DCC: variants seen among roughly 807,000 people sequenced by gnomAD.
The protein encoded by DCC is netrin receptor DCC.
DCC carries 58 observed loss-of-function variants against 172.5 expected under a neutral mutation model. That is an observed-to-expected ratio of 0.34 (90% CI 0.27 to 0.42). The LOEUF (loss-of-function observed/expected upper bound fraction) is 0.42, where lower values mean the gene tolerates loss of function less well. Ranked by LOEUF, DCC falls within the 10% of genes least tolerant of loss-of-function variation. The probability of loss-of-function intolerance (pLI) is 1.00; values close to 1 mark genes in which losing one functional copy is unlikely to be tolerated. For synonymous variants in DCC, 709 were observed against 644.5 expected (o/e 1.10, Z -1.52); for missense variants, 1,740 against 1,791.0 (o/e 0.97, Z 0.51).
chr18:53,052,275 T>A (rs1378049879), intron 5 of DCC, among the ~76,000 whole-genome samples: 1 of 152,152 alleles, frequency 6.6e-6, no homozygotes, highest in Non-Finnish European at 1.5e-5. Context: ...ATTTTCATTT[T>A]AAATGAATCC....
intron 22 of DCC, among the ~76,000 whole-genome samples, chr18:53,442,371 G>T (rs1463598382): frequency 6.6e-6 from 1 of 151,964 alleles, no homozygotes; most frequent in African/African-American, 2.4e-5. Flanking sequence ...CTGCTACGAT[G>T]GTCTGTGATC....
chr18:53,059,336 A>T (rs1250508790), intron 5 of DCC, among the ~76,000 whole-genome samples: 1 of 152,142 alleles, frequency 6.6e-6, no homozygotes, highest in Non-Finnish European at 1.5e-5. Context: ...CAGGGTGAGA[A>T]AATAGAATTT....
At chr18:52,860,079 G>T (rs1470533681) in intron 2 of DCC, among the ~76,000 whole-genome samples, 1 of 152,194 alleles carries the variant, frequency 6.6e-6, no homozygotes. Context: ...ATAGGATGCA[G>T]CAAATCCATC....
intron 24 of DCC, among the ~76,000 whole-genome samples, chr18:53,463,181 A>G (rs1568148185): frequency 1.3e-5 from 2 of 152,232 alleles, no homozygotes; most frequent in Non-Finnish European, 2.9e-5. Flanking sequence ...CACTGCCCTA[A>G]GGAGGTTTTG....
At chr18:53,117,274 T>A (rs533776320) in intron 7 of DCC, among the ~76,000 whole-genome samples, 1 of 151,782 alleles carries the variant, frequency 6.6e-6, no homozygotes, top group Admixed American at 6.6e-5. Flanking sequence ...TTGCTCCGTA[T>A]GAAATTTCCA....
At chr18:52,401,254 T>G (rs565731590) in intron 1 of DCC, among the ~76,000 whole-genome samples, 4 of 152,132 alleles carry the variant, frequency 2.6e-5, no homozygotes, top group Admixed American at 2.6e-4. Flanking sequence ...GGCATAACTC[T>G]GACCACATTC....
At chr18:53,180,066 G>A (rs1598881411) in intron 9 of DCC, among the ~76,000 whole-genome samples, 1 of 152,168 alleles carries the variant, frequency 6.6e-6, no homozygotes, top group South Asian at 2.1e-4. Context: ...GGAATAAGGT[G>A]AAGTAGAGAT....
At chr18:53,233,976 C>A (rs1250035986) in intron 12 of DCC, among the ~76,000 whole-genome samples, 1 of 151,394 alleles carries the variant, frequency 6.6e-6, no homozygotes, top group Admixed American at 6.6e-5. Flanking sequence ...TAGGACCAGG[C>A]GCAGTGGCTC....
At chr18:53,195,685 C>A (rs1246835432) in intron 9 of DCC, among the ~76,000 whole-genome samples, 1 of 152,128 alleles carries the variant, frequency 6.6e-6, no homozygotes, top group Non-Finnish European at 1.5e-5. Context: ...CCCATTCCTC[C>A]TGATGTGTCC....
intron 1 of DCC, among the ~76,000 whole-genome samples, chr18:52,565,920 T>C (rs1297805018): frequency 6.6e-6 from 1 of 152,200 alleles, no homozygotes; most frequent in Middle Eastern, 3.2e-3. Context: ...CCCATGCCTA[T>C]GTCCTCAATG....
chr18:53,356,794 C>G (rs1434144521), intron 15 of DCC, among the ~76,000 whole-genome samples: 1 of 152,214 alleles, frequency 6.6e-6, no homozygotes, highest in African/African-American at 2.4e-5. Flanking sequence ...TCTTCCCCAT[C>G]AAACTCTTGC....
At chr18:53,207,070 C>T (rs142288481) in intron 10 of DCC, among the ~76,000 whole-genome samples, 2 of 152,176 alleles carry the variant, frequency 1.3e-5, no homozygotes, top group Non-Finnish European at 2.9e-5. Context: ...AGCTCTTCAA[C>T]GCATTTTGCC....
At chr18:52,995,833 G>A (rs2041468833) in intron 5 of DCC, among the ~76,000 whole-genome samples, 1 of 151,554 alleles carries the variant, frequency 6.6e-6, no homozygotes, top group African/African-American at 2.4e-5. Context: ...TAGTCACCTG[G>A]ACTGAACCCC....
chr18:52,714,465 G>A (rs115860269), intron 1 of DCC, among the ~76,000 whole-genome samples: 1,946 of 152,212 alleles, frequency 0.013, 51 homozygotes, highest in African/African-American at 0.044. Context: ...CTTTTTAAAT[G>A]CTGTAATGTT....
rs12962801 is a variant in DCC, at chr18:52,926,792, C to T, written c.985+1422C>T. On this transcript the variant is annotated intron_variant, in intron 5 of 28. Transcript: ENST00000442544. Reference sequence around the variant, plus strand: ...AACTAAATTAGTCTCTATATATATACACACACACATATACATATGTGTGTG... The same window carrying T: ...AACTAAATTAGTCTCTATATATATATACACACACATATACATATGTGTGTG... 4.9e-4 allele frequency among the ~76,000 whole-genome samples: 56 copies of T among 114,064 alleles called. 1 individual carries two copies. The highest frequency in any genetic ancestry group is 3.9e-4 in the Non-Finnish European group (19 of 48,444). The allele number at this position is 114,064 out of a possible 152,430, so 74.8% of individuals were successfully genotyped here.
chr18:53,511,841 AGCACG>A (rs761176764), intron 27 of DCC, among the ~76,000 whole-genome samples: 49 of 141,378 alleles, frequency 3.5e-4, no homozygotes, highest in African/African-American at 1.1e-3. Context: ...TTGCTAGCAC[AGCACG>A]GCAGTCTGAG....
chr18:52,642,014 G>A (rs767453824), intron 1 of DCC, among the ~76,000 whole-genome samples: 41 of 34,496 alleles, frequency 1.2e-3, no homozygotes, highest in South Asian at 1.4e-3. Context: ...GTGTGTGTGT[G>A]TATATATATA....
chr18:52,858,267 G>T (rs1339779671), intron 2 of DCC, among the ~76,000 whole-genome samples: 1 of 152,198 alleles, frequency 6.6e-6, no homozygotes, highest in Non-Finnish European at 1.5e-5. Context: ...TCTTGAAATG[G>T]TATTAGAAAT....
intron 16 of DCC, among the ~76,000 whole-genome samples, chr18:53,390,778 A>G (rs1204969351): frequency 6.6e-6 from 1 of 152,218 alleles, no homozygotes; most frequent in African/African-American, 2.4e-5. Flanking sequence ...GGATCAAAGC[A>G]TGTATATACC....
Sources: allele counts gnomAD v4.1 joint callset (sites outside exome capture counted in the v4.1 genomes callset), GRCh38; gene constraint gnomAD v4.1.1; transcripts MANE v1.5; gene names NCBI Gene and HGNC (gene_info 2026-07-23, HGNC 2026-07-21).